Variants in C1orf21 observed in about 807,000 individuals in gnomAD.
C1orf21 encodes the protein chromosome 1 open reading frame 21, also known as uncharacterized protein C1orf21.
C1orf21 carries 3 observed loss-of-function variants against 18.7 expected under a neutral mutation model. The observed-to-expected ratio is 0.16, with a 90% confidence interval of 0.07 to 0.42. The LOEUF (loss-of-function observed/expected upper bound fraction) is 0.42, where lower values mean the gene tolerates loss of function less well. Among genes scored for constraint, C1orf21 ranks in the 10% least tolerant of loss-of-function variants. The probability of loss-of-function intolerance (pLI) is 0.99; values close to 1 mark genes in which losing one functional copy is unlikely to be tolerated. For synonymous variants in C1orf21, 41 were observed against 46.4 expected (o/e 0.88, Z 0.47); for missense variants, 104 against 143.6 (o/e 0.72, Z 1.41).
At chr1:184,389,471 G>A (rs941835362) in intron 1 of C1orf21, among the ~76,000 whole-genome samples, 5 of 152,098 alleles carry the variant, frequency 3.3e-5, no homozygotes, top group Non-Finnish European at 4.4e-5. Flanking sequence ...TCCCTCCTCC[G>A]CCCCATCTCA....
At chr1:184,464,595 G>A (rs1195719099) in intron 1 of C1orf21, among the ~76,000 whole-genome samples, 1 of 152,202 alleles carries the variant, frequency 6.6e-6, no homozygotes, top group African/African-American at 2.4e-5. Flanking sequence ...CCCTCAAAGC[G>A]CTTAGTATCT....
chr1:184,532,590 A>T (rs1177333722), intron 3 of C1orf21, among the ~76,000 whole-genome samples: 2 of 151,958 alleles, frequency 1.3e-5, no homozygotes, highest in African/African-American at 2.4e-5. Context: ...ACTAAAAATT[A>T]AAAAAAATTA....
intron 3 of C1orf21, among the ~76,000 whole-genome samples, chr1:184,583,085 C>T (rs953682323): frequency 6.6e-6 from 1 of 152,098 alleles, no homozygotes; most frequent in East Asian, 1.9e-4. Flanking sequence ...GTGATCCGCC[C>T]GCCTCGGCCT....
At chr1:184,507,559 A>G in intron 2 of C1orf21, 29 bp from the exon 3 acceptor site, 1 of 1,555,176 alleles carries the variant, frequency 6.4e-7, no homozygotes, top group Non-Finnish European at 8.7e-7. Flanking sequence ...AAAAAATTAT[A>G]AAATGTGTTT....
chr1:184,521,238 A>G (rs2101969256), intron 3 of C1orf21, among the ~76,000 whole-genome samples: 1 of 152,310 alleles, frequency 6.6e-6, no homozygotes, highest in South Asian at 2.1e-4. Context: ...TTACAATGCT[A>G]AACATAATCT....
At chr1:184,410,236 A>C (rs1455712676) in intron 1 of C1orf21, among the ~76,000 whole-genome samples, 2 of 152,162 alleles carry the variant, frequency 1.3e-5, no homozygotes, top group Non-Finnish European at 2.9e-5. Flanking sequence ...GTAGGTGAAG[A>C]TGTTTCAAGA....
intron 1 of C1orf21, among the ~76,000 whole-genome samples, chr1:184,417,047 A>G (rs1293774286): frequency 6.6e-6 from 1 of 152,176 alleles, no homozygotes; most frequent in Non-Finnish European, 1.5e-5. Flanking sequence ...CCTTCAAGGA[A>G]GGAATGATTG....
At chr1:184,583,536 G>C (rs568199360) in intron 3 of C1orf21, among the ~76,000 whole-genome samples, 1 of 152,206 alleles carries the variant, frequency 6.6e-6, no homozygotes, top group South Asian at 2.1e-4. Context: ...GCTCCACAGA[G>C]CCCCAAGGCT....
At chr1:184,568,373 C>T (rs1332940527) in intron 3 of C1orf21, 1 of 312,338 alleles carries the variant, frequency 3.2e-6, no homozygotes, top group Non-Finnish European at 6.3e-6. Flanking sequence ...TAAACACTAA[C>T]TCCTCCTTCC....
chr1:184,547,042 G>A lies in C1orf21; in HGVS notation c.189+39360G>A, dbSNP rs569919866. 3.3e-5 allele frequency among the ~76,000 whole-genome samples: 5 copies of A among 152,322 alleles called. No individual in the cohort carries two copies. The South Asian group carries it at 1.0e-3, about 32-fold the overall frequency. On this transcript the variant is annotated intron_variant, in intron 3 of 5. Coordinates refer to ENST00000235307, the MANE Select transcript of C1orf21 (RefSeq NM_030806.4). ...AGTAACTAAAAAATGGGAGAAGGGT[G>A]ATGGGCAAGACCATCAAGAGCCTTT...
chr1:184,519,368 C>T (rs994575075), intron 3 of C1orf21, among the ~76,000 whole-genome samples: 1 of 152,122 alleles, frequency 6.6e-6, no homozygotes, highest in African/African-American at 2.4e-5. Flanking sequence ...AGATTTCTGG[C>T]CTCTTCTCTA....
chr1:184,626,631 G>C lies in C1orf21; in HGVS notation c.*7075G>C, dbSNP rs1056363584. The C allele has an allele frequency of 1.3e-5, 2 of 152,508 alleles. No homozygotes were observed. Among genetic ancestry groups the C allele is most frequent in the Admixed American group, 1.3e-4 (2 of 15,292 alleles). 9.4% of individuals were successfully genotyped at this position (152,508 alleles called of 1,614,324 possible). A position where few individuals can be genotyped will look rare whatever the true frequency, so the allele number is the denominator to read the frequency against. The stretch of plus-strand genomic sequence containing the variant: ...AGGTCCTCCAGACAGGTAAGGTGTG[G>C]TCACAATCAGGGCCGGGGTTTCCCT... On this transcript the variant is annotated 3_prime_UTR_variant, in exon 6 of 6. Coordinates refer to ENST00000235307, the MANE Select transcript of C1orf21 (RefSeq NM_030806.4).
rs568595169 is a variant in C1orf21 at position 184,388,524 on chromosome 1, C to A, written c.-125+1156C>A. ...CTGAAGCAATTCTGAAAGTGATACA[C>A]CCTGGGCACCCAGAACCTCAGTAAA... On this transcript the variant is annotated intron_variant, in intron 1 of 5. Coordinates refer to ENST00000235307, the MANE Select transcript of C1orf21 (RefSeq NM_030806.4). 2.0e-5 allele frequency among the ~76,000 whole-genome samples: 3 copies of A among 152,148 alleles called. No homozygotes were observed. The East Asian group carries it at 5.8e-4, about 29-fold the overall frequency.
chr1:184,481,353 CTCCTTTCACAG>C (rs1242948937), intron 2 of C1orf21, among the ~76,000 whole-genome samples: 1 of 152,084 alleles, frequency 6.6e-6, no homozygotes, highest in East Asian at 1.9e-4. Context: ...GGGGCATGAT[CTCCTTTCACAG>C]AAGGGCAAGT....
chr1:184,596,745 C>T (rs756570580), intron 4 of C1orf21, among the ~76,000 whole-genome samples: 53 of 152,004 alleles, frequency 3.5e-4, no homozygotes, highest in Non-Finnish European at 6.0e-4. Flanking sequence ...GTGGCTCACG[C>T]CTGCAGTCCC....
chr1:184,442,674 G>C (rs916059959), intron 1 of C1orf21, among the ~76,000 whole-genome samples: 16 of 152,256 alleles, frequency 1.1e-4, no homozygotes, highest in South Asian at 2.1e-4. Context: ...ATTTTGATTA[G>C]ATCTAGAAAT....
chr1:184,405,548 C>T (rs1377463323), intron 1 of C1orf21, among the ~76,000 whole-genome samples: 2 of 152,060 alleles, frequency 1.3e-5, no homozygotes, highest in Admixed American at 6.6e-5. Context: ...TTGCAGTTCC[C>T]CCATTCTTGC....
intron 2 of C1orf21, among the ~76,000 whole-genome samples, chr1:184,504,269 G>A (rs531520253): frequency 6.6e-6 from 1 of 152,274 alleles, no homozygotes; most frequent in South Asian, 2.1e-4. Context: ...GGGAACAGGT[G>A]CAAGGAAGCT....
At chr1:184,392,814 T>C (rs1655993989) in intron 1 of C1orf21, among the ~76,000 whole-genome samples, 1 of 134,742 alleles carries the variant, frequency 7.4e-6, no homozygotes, top group African/African-American at 2.6e-5. Flanking sequence ...CCATAGACAT[T>C]CCTCCTTTTT....
Sources: gnomAD v4.1 joint callset for allele counts (sites outside exome capture counted in the v4.1 genomes callset) on GRCh38, gnomAD v4.1.1 for gene constraint, MANE v1.5 for transcripts, NCBI Gene and HGNC (gene_info 2026-07-23, HGNC 2026-07-21) for gene names.